The following ZFP36L2 variants were observed in gnomAD, a reference collection of about 807,000 sequenced individuals.
ZFP36L2 encodes ZFP36 like 2 zinc finger CCCH-type.
A neutral mutation model predicts 27.9 loss-of-function variants in ZFP36L2; 16 were observed. The ratio of observed to expected loss-of-function variants is 0.57; its 90% CI spans 0.39 to 0.87. The LOEUF is 0.87. Ranked by LOEUF, ZFP36L2 falls within the 40% of genes least tolerant of loss-of-function variation. The probability of loss-of-function intolerance (pLI) is 0.00; values close to 1 mark genes in which losing one functional copy is unlikely to be tolerated. For synonymous variants in ZFP36L2, 600 were observed against 363.8 expected (o/e 1.65, Z -7.39); for missense variants, 989 against 726.9 (o/e 1.36, Z -4.15).
At position 43,223,100 on chromosome 2, in the gene ZFP36L2, T is replaced by C. The variant is rs1241475838; in HGVS notation, c.*1219A>G. 6.6e-6 allele frequency: 1 copy of C among 152,378 alleles called. No homozygotes were observed. Among genetic ancestry groups the C allele is most frequent in the Non-Finnish European group, 1.5e-5 (1 of 68,044 alleles). The allele number at this position is 152,378 out of a possible 1,614,324, so 9.4% of individuals were successfully genotyped here. ...TTGAAGTTGGATGGGCTACAACCTT[T>C]ATACATTCTAAGAAAACTCATAGGA... On this transcript the variant is annotated 3_prime_UTR_variant, in exon 2 of 2. Coordinates refer to ENST00000282388, the MANE Select transcript of ZFP36L2 (RefSeq NM_006887.5).
Position 43,224,418 on chromosome 2 carries a change from G to A in ZFP36L2, c.1386C>T (p.Gly462=), listed in dbSNP as rs942364526. 7.7e-6 allele frequency: 12 copies of A among 1,555,128 alleles called. No homozygotes were observed. The highest frequency in any genetic ancestry group is 1.9e-5 in the Admixed American group (1 of 53,590). ...CGCTGAGGCTGCCGGAGCTCAGGGA[G>A]CCGCTTAGGTAGCTGTCGCGGTCCG... ...SLSDRDSYLS[G]SLSSGSLSGS... Residue 462 remains glycine, a synonymous_variant, in exon 2 of 2, where the codon GGC becomes GGT. Coordinates refer to ENST00000282388, the MANE Select transcript of ZFP36L2 (RefSeq NM_006887.5).
At position 43,223,352 on chromosome 2, in the gene ZFP36L2, T is replaced by C. The variant is rs1572679556; in HGVS notation, c.*967A>G. 6.6e-6 allele frequency: 1 copy of C among 152,304 alleles called. No individual in the cohort carries two copies. Among genetic ancestry groups the C allele is most frequent in the South Asian group, 2.1e-4 (1 of 4,836 alleles). The allele number at this position is 152,304 out of a possible 1,614,324, so 9.4% of individuals were successfully genotyped here. Reference sequence around the variant, plus strand: ...CACTCCACATTTTGCCGATTAATAATGGCAATCATAATTTAACATAATAAA... The same window carrying C: ...CACTCCACATTTTGCCGATTAATAACGGCAATCATAATTTAACATAATAAA... On this transcript the variant is annotated 3_prime_UTR_variant, in exon 2 of 2. Transcript: ENST00000282388.
At chr2:43,225,789 C>T in intron 1 of ZFP36L2, 37 bp from the exon 2 acceptor site, 1 of 1,559,942 alleles carries the variant, frequency 6.4e-7, no homozygotes, top group Non-Finnish European at 8.6e-7. Flanking sequence ...GGATGAAAAA[C>T]GGAAGGGGAA....
At position 43,225,527 on chromosome 2, in the gene ZFP36L2, C is replaced by A; in HGVS notation, c.277G>T (p.Gly93Cys). Residue 93 changes from glycine (G) to cysteine (C), a missense_variant, in exon 2 of 2, where the codon GGC (glycine) becomes TGC (cysteine). Coordinates refer to ENST00000282388, the MANE Select transcript of ZFP36L2 (RefSeq NM_006887.5). Reference sequence around the variant, plus strand: ...AGGGTGCCGTAGGAGGTCGGACCGCCGGCCGCCGCGCTGCCGCAGCTGCTG... The same window carrying A: ...AGGGTGCCGTAGGAGGTCGGACCGCAGGCCGCCGCGCTGCCGCAGCTGCTG... The part of the protein sequence containing the change: ...NGSSCGSAAA[G>C]GPTSYGTLKE... 2.5e-6 allele frequency: 4 copies of A among 1,585,710 alleles called. No homozygotes were observed. Among genetic ancestry groups the A allele is most frequent in the Non-Finnish European group, 3.4e-6 (4 of 1,169,972 alleles).
Position 43,224,610 on chromosome 2 carries a change from C to A in ZFP36L2, c.1194G>T (p.Gln398His). The A allele has an allele frequency of 6.9e-7, 1 of 1,447,768 alleles. No individual in the cohort carries two copies. Among genetic ancestry groups the A allele is most frequent in the Non-Finnish European group, 9.1e-7 (1 of 1,101,202 alleles). The allele number at this position is 1,447,768 out of a possible 1,614,324, so 89.7% of individuals were successfully genotyped here. A position where few individuals can be genotyped will look rare whatever the true frequency, so the allele number is the denominator to read the frequency against. ...CGGGGGGCGCCAGGCCCTGCTGCTG[C>A]TGCTGCTGCTGACTGCGGTAGTAGG... ...AAAYYRSQQQ[Q>H]QQQGLAPPAQ... The change falls in exon 2 of 2, where the codon CAG becomes CAT. Residue 398 changes from glutamine (Q) to histidine (H), a missense_variant. Gln to His is a conservative substitution (Grantham distance 24, BLOSUM62 0). Transcript: ENST00000282388.
In ZFP36L2 at chr2:43,224,621, G is replaced by A; in HGVS notation, c.1183C>T (p.Gln395Ter). Reference sequence around the variant, plus strand: ...AGGCCCTGCTGCTGCTGCTGCTGCTGACTGCGGTAGTAGGCGGCGGCGGCC... The same window carrying A: ...AGGCCCTGCTGCTGCTGCTGCTGCTAACTGCGGTAGTAGGCGGCGGCGGCC... The part of the protein sequence containing the change: ...AVAAAAYYRS[Q>*]QQQQQQGLAP... Residue 395 changes from glutamine to a stop codon, truncating the protein, a stop_gained, in exon 2 of 2, where the codon CAG becomes TAG. Coordinates refer to ENST00000282388, the MANE Select transcript of ZFP36L2 (RefSeq NM_006887.5). LOFTEE classifies it high-confidence loss of function. 1 of 1,473,762 alleles carries A rather than the reference G, an allele frequency of 6.8e-7. No individual in the cohort carries two copies. The allele number at this position is 1,473,762 out of a possible 1,614,324, so 91.3% of individuals were successfully genotyped here.
chr2:43,224,653 G>A lies in ZFP36L2; in HGVS notation c.1151C>T (p.Ala384Val), dbSNP rs747859322. The A allele has an allele frequency of 6.6e-7, 1 of 1,515,604 alleles. No individual in the cohort carries two copies. Among genetic ancestry groups the A allele is most frequent in the Non-Finnish European group, 8.8e-7 (1 of 1,136,118 alleles). 93.9% of individuals were successfully genotyped at this position (1,515,604 alleles called of 1,614,324 possible). ...GTAGTAGGCGGCGGCGGCCACGGCG[G>A]CAAAGTTGTGGGTCTGGATGGCGAG... ...TPLAIQTHNF[A>V]AVAAAAYYRS... The change falls in exon 2 of 2, where the codon GCC becomes GTC. Residue 384 changes from alanine to valine, a missense_variant. Transcript: ENST00000282388.
At chr2:43,226,198 C>A in intron 1 of ZFP36L2, 67 bp downstream of exon 1, 1 of 1,545,094 alleles carries the variant, frequency 6.5e-7, no homozygotes, top group East Asian at 2.5e-5. Context: ...CCCCCAGAAC[C>A]TGGGGACAGA....
rs905560938 is a variant in ZFP36L2, at chr2:43,224,204, T to C, written c.*115A>G. 3 of 1,183,562 alleles carry C rather than the reference T, an allele frequency of 2.5e-6. No individual in the cohort carries two copies. The highest frequency in any genetic ancestry group is 3.2e-5 in the African/African-American group (2 of 62,252). 73.3% of individuals were successfully genotyped at this position (1,183,562 alleles called of 1,614,324 possible). ...TGCTCGGTCGGGCTTGCAGTCTGCCTAGGGCCCATGTCACCCCCCCCACTC... is the reference window on the plus strand; with the variant it reads ...TGCTCGGTCGGGCTTGCAGTCTGCCCAGGGCCCATGTCACCCCCCCCACTC... On this transcript the variant is annotated 3_prime_UTR_variant, in exon 2 of 2. Transcript: ENST00000282388.
chr2:43,225,767 G>A lies in ZFP36L2; in HGVS notation c.52-15C>T, dbSNP rs745480216. 3.1e-5 allele frequency: 49 copies of A among 1,581,738 alleles called. No homozygotes were observed. Among genetic ancestry groups the A allele is most frequent in the Non-Finnish European group, 3.9e-5 (46 of 1,172,120 alleles). On this transcript the variant is annotated splice_polypyrimidine_tract_variant and intron_variant, in intron 1 of 1. Coordinates refer to ENST00000282388, the MANE Select transcript of ZFP36L2 (RefSeq NM_006887.5). The stretch of plus-strand genomic sequence containing the variant: ...GATTTCTCTGTCTGCCAAAGGGAGG[G>A]GAGCGGGGAAGGGATGAAAAACGGA...
In ZFP36L2 at chr2:43,223,380, AAT is replaced by A. The variant is rs918130515; in HGVS notation, c.*937_*938del. ...CAATCATAATTTAACATAATAAAAG[AAT>A]ATATATCTATTGCTTTTCATCATAC... On this transcript the variant is annotated 3_prime_UTR_variant, in exon 2 of 2. Transcript: ENST00000282388. The A allele has an allele frequency of 6.6e-5, 10 of 152,306 alleles. No individual in the cohort carries two copies. Among genetic ancestry groups the A allele is most frequent in the African/African-American group, 2.4e-4 (10 of 41,562 alleles). 9.4% of individuals were successfully genotyped at this position (152,306 alleles called of 1,614,324 possible).
In ZFP36L2 at chr2:43,223,272, A is replaced by AT. The variant is rs1667007174; in HGVS notation, c.*1046_*1047insA. 1 of 152,338 alleles carries AT rather than the reference A, an allele frequency of 6.6e-6. No homozygotes were observed. 9.4% of individuals were successfully genotyped at this position (152,338 alleles called of 1,614,324 possible). ...AATTAAGAATTTTGTACTCATTTAC[A>AT]ATAAAATAACCAAGTGAAGTTACAA... On this transcript the variant is annotated 3_prime_UTR_variant, in exon 2 of 2. Coordinates refer to ENST00000282388, the MANE Select transcript of ZFP36L2 (RefSeq NM_006887.5).
chr2:43,225,021 C>G lies in ZFP36L2; in HGVS notation c.783G>C (p.Ser261=), dbSNP rs1401496436. ...GCTGATGGTGGCCCGACGGGAAGCC[C>G]GAGAAGCTGAGGCTGTGGTGCAACT... ...RPKLHHSLSF[S]GFPSGHHQPP... is the part of the protein sequence containing the mutation. The change falls in exon 2 of 2, where the codon TCG becomes TCC. Residue 261 remains serine, a synonymous_variant. Transcript: ENST00000282388. The G allele has an allele frequency of 1.9e-6, 3 of 1,594,510 alleles. No homozygotes were observed. The highest frequency in any genetic ancestry group is 2.5e-6 in the Non-Finnish European group (3 of 1,178,350).
chr2:43,225,816 G>A (rs987933269), intron 1 of ZFP36L2, 64 bp from the exon 2 acceptor site: 3 of 1,480,830 alleles, frequency 2.0e-6, no homozygotes, highest in African/African-American at 1.4e-5. Context: ...CTCGGGGCGA[G>A]CCGCAGAGGA....
chr2:43,225,177 C>G lies in ZFP36L2; in HGVS notation c.627G>C (p.Gly209=), dbSNP rs2103976238. The part of the protein sequence containing the change: ...TFHTIGFCPY[G]PRCHFIHNAD... ...CGTTGTGGATGAAGTGGCAGCGCGG[C>G]CCATAGGGGCAGAAGCCGATGGTAT... Residue 209 remains glycine, a synonymous_variant, in exon 2 of 2, where the codon GGG becomes GGC. Transcript: ENST00000282388. The G allele has an allele frequency of 6.3e-7, 1 of 1,599,164 alleles. No individual in the cohort carries two copies. Among genetic ancestry groups the G allele is most frequent in the Non-Finnish European group, 8.5e-7 (1 of 1,179,558 alleles).
In ZFP36L2 at chr2:43,224,600, C is replaced by CTTGCTG. The variant is rs1553341819; in HGVS notation, c.1203_1204insCAGCAA (p.Gln400_Gln401dup). 44 of 1,413,930 alleles carry CTTGCTG rather than the reference C, an allele frequency of 3.1e-5. No individual in the cohort carries two copies. The highest frequency in any genetic ancestry group is 3.9e-5 in the Non-Finnish European group (42 of 1,083,550). The allele number at this position is 1,413,930 out of a possible 1,614,324, so 87.6% of individuals were successfully genotyped here. ...GGCGGCTGCGCGGGGGGCGCCAGGC[C>CTTGCTG]CTGCTGCTGCTGCTGCTGCTGACTG... On this transcript the variant is annotated inframe_insertion, in exon 2 of 2. Coordinates refer to ENST00000282388, the MANE Select transcript of ZFP36L2 (RefSeq NM_006887.5).
At position 43,226,555 on chromosome 2, in the gene ZFP36L2, C is replaced by T; in HGVS notation, c.-240G>A. 3 of 513,828 alleles carry T rather than the reference C, an allele frequency of 5.8e-6. No individual in the cohort carries two copies. In the East Asian group the frequency reaches 1.1e-4, roughly 19 times the overall value. The allele number at this position is 513,828 out of a possible 1,614,324, so 31.8% of individuals were successfully genotyped here. ...AGCGCTCCTCCGCGCCCCGGGGTGC[C>T]CGGCCCGCCCCCCCCGCGGAGCCGA... is the stretch of plus-strand genomic sequence containing the variant. On this transcript the variant is annotated 5_prime_UTR_variant, in exon 1 of 2. Coordinates refer to ENST00000282388, the MANE Select transcript of ZFP36L2 (RefSeq NM_006887.5).
rs554555217 is a variant in ZFP36L2 at position 43,224,972 on chromosome 2, G to A, written c.832C>T (p.Leu278=). The change falls in exon 2 of 2, where the codon CTG becomes TTG. Residue 278 remains leucine, a synonymous_variant. Coordinates refer to ENST00000282388, the MANE Select transcript of ZFP36L2 (RefSeq NM_006887.5). ...HQPPGGLESP[L]LLDSPTSRTP... ...CGCGACGTGGGGCTGTCGAGCAGCA[G>A]CGGCGACTCGAGGCCGCCCGGGGGC... 28 of 1,579,628 alleles carry A rather than the reference G, an allele frequency of 1.8e-5. No homozygotes were observed. In the East Asian group the frequency reaches 2.1e-4, roughly 12 times the overall value.
Position 43,225,691 on chromosome 2 carries a change from G to T in ZFP36L2, c.113C>A (p.Thr38Lys). ...CGAGCTGGGGGCGGCGGCCACAGGC[G>T]TCCCCACCGCCTTCTTGTCCAGCAT... The part of the protein sequence containing the change: ...NNMLDKKAVG[T>K]PVAAAPSSGF... The change falls in exon 2 of 2, where the codon ACG becomes AAG. Residue 38 changes from threonine (T) to lysine (K), a missense_variant. Coordinates refer to ENST00000282388, the MANE Select transcript of ZFP36L2 (RefSeq NM_006887.5). The T allele has an allele frequency of 6.3e-7, 1 of 1,595,182 alleles. No homozygotes were observed. Among genetic ancestry groups the T allele is most frequent in the Non-Finnish European group, 8.5e-7 (1 of 1,178,516 alleles).
Sources: gnomAD v4.1 joint callset for allele counts on GRCh38, gnomAD v4.1.1 for gene constraint, MANE v1.5 for transcripts, NCBI Gene and HGNC (gene_info 2026-07-23, HGNC 2026-07-21) for gene names.